Variants in PTPRN2 observed in about 807,000 individuals in gnomAD.
PTPRN2 encodes protein tyrosine phosphatase receptor type N2, also known as receptor-type tyrosine-protein phosphatase N2.
PTPRN2 carries 74 observed loss-of-function variants against 118.8 expected under a neutral mutation model. That is an observed-to-expected ratio of 0.62 (90% CI 0.52 to 0.76). The LOEUF is 0.76. Ranked by LOEUF, PTPRN2 falls within the 30% of genes least tolerant of loss-of-function variation. The pLI is 0.00. For missense variants in PTPRN2, 1,481 were observed against 1,394.4 expected (o/e 1.06, Z -0.99); for synonymous variants, 641 against 608.0 (o/e 1.05, Z -0.80).
chr7:158,511,257 C>G (rs867424139), intron 1 of PTPRN2, among the ~76,000 whole-genome samples: 2 of 152,166 alleles, frequency 1.3e-5, no homozygotes, highest in Non-Finnish European at 2.9e-5. Context: ...GTCAGGATGG[C>G]TACGCAATGC....
In PTPRN2 at chr7:158,081,358, T is replaced by C; in HGVS notation, c.1663A>G (p.Thr555Ala). The change falls in exon 11 of 23, where the codon ACC becomes GCC. Residue 555 changes from threonine (T) to alanine (A), a missense_variant. Coordinates refer to ENST00000389418, the MANE Select transcript of PTPRN2 (RefSeq NM_002847.5). ...ADVEVLGPAV[T>A]FKVSANVQNV... ...TGGACATTGGCGCTCACTTTGAAGG[T>C]CACTGCTGGTCCGAGAACCCTGGAA... The C allele has an allele frequency of 6.2e-7, 1 of 1,614,174 alleles. No individual in the cohort carries two copies. The highest frequency in any genetic ancestry group is 8.5e-7 in the Non-Finnish European group (1 of 1,180,014).
rs560708337 is a variant in PTPRN2, at chr7:157,853,072, G to A, written c.1788+45601C>T. ...TGGTCTCTGGGGCCGTCCTCTCTCC[G>A]CCTCCAGATCAGCAGGCAGTGGATG... On this transcript the variant is annotated intron_variant, in intron 12 of 22. Transcript: ENST00000389418. Among the ~76,000 whole-genome samples, 8 of 152,228 alleles carry A rather than the reference G, an allele frequency of 5.3e-5. No individual in the cohort carries two copies. In the South Asian group the frequency reaches 1.5e-3, roughly 28 times the overall value.
In PTPRN2 at chr7:157,763,461, C is replaced by T. The variant is rs537790614; in HGVS notation, c.1789-80524G>A. Among the ~76,000 whole-genome samples, 271 of 152,198 alleles carry T rather than the reference C, an allele frequency of 1.8e-3. 2 individuals carry two copies. The highest frequency in any genetic ancestry group is 6.3e-3 in the African/African-American group (260 of 41,542). ...GCCCTGAGCCAGGCTGGTGTGGCCT[C>T]GAGTCCCTTCTCCTAGCCCCAAACC... On this transcript the variant is annotated intron_variant, in intron 12 of 22. Transcript: ENST00000389418. The surrounding 1 kb of genome is among the most constrained non-coding windows in gnomAD (Gnocchi z 4.9).
intron 21 of PTPRN2, among the ~76,000 whole-genome samples, chr7:157,564,919 A>G (rs1463792823): frequency 6.6e-6 from 1 of 152,260 alleles, no homozygotes; most frequent in Non-Finnish European, 1.5e-5. Flanking sequence ...CCATTAATAC[A>G]CAAATGAATC....
intron 6 of PTPRN2, among the ~76,000 whole-genome samples, chr7:158,155,673 C>CCATCAT: frequency 7.9e-6 from 1 of 126,710 alleles, no homozygotes. Context: ...ATCACCAGTG[C>CCATCAT]CATCATCACC....
chr7:158,209,270 T>TA (rs906917692), intron 3 of PTPRN2, among the ~76,000 whole-genome samples: 2 of 151,646 alleles, frequency 1.3e-5, no homozygotes, highest in African/African-American at 2.4e-5. Context: ...TTGAATGGAT[T>TA]AAAAAAAAGA....
intron 19 of PTPRN2, 33 bp downstream of exon 19, chr7:157,576,580 C>A: frequency 6.3e-7 from 1 of 1,580,518 alleles, no homozygotes. Flanking sequence ...GCGCTCAGCG[C>A]GCACTGCCCT....
chr7:158,365,478 A>T (rs1057143173), intron 2 of PTPRN2, among the ~76,000 whole-genome samples: 7 of 152,192 alleles, frequency 4.6e-5, no homozygotes, highest in African/African-American at 1.7e-4. Context: ...TATTCAGATC[A>T]ATCAGCTGGA....
At chr7:158,151,754 C>T (rs1210173472) in intron 6 of PTPRN2, among the ~76,000 whole-genome samples, 6 of 152,276 alleles carry the variant, frequency 3.9e-5, no homozygotes, top group South Asian at 4.1e-4. Flanking sequence ...TCCTTCCTGC[C>T]ACAAATATTT....
At chr7:158,133,553 C>T in intron 9 of PTPRN2, 124 bp downstream of exon 9, 3 of 1,354,050 alleles carry the variant, frequency 2.2e-6, no homozygotes, top group Non-Finnish European at 3.0e-6. Context: ...GCCTGCACCC[C>T]ATTATTCAGT....
At chr7:157,777,973 A>G (rs1278595728) in intron 12 of PTPRN2, among the ~76,000 whole-genome samples, 1 of 142,034 alleles carries the variant, frequency 7.0e-6, no homozygotes, top group East Asian at 2.0e-4. Flanking sequence ...TCTTTACACC[A>G]CAGCAAAAAA....
In PTPRN2 at chr7:158,452,400, G is replaced by A. The variant is rs578256135; in HGVS notation, c.163+37335C>T. Among the ~76,000 whole-genome samples the A allele has an allele frequency of 5.5e-4, 84 of 152,272 alleles. 1 individual carries two copies. The South Asian group carries it at 0.016, about 29-fold the overall frequency. On this transcript the variant is annotated intron_variant, in intron 2 of 22. Transcript: ENST00000389418. ...AGAAGCACTGTCTCCCCTGCCCAGC[G>A]GGTCCTCCCCATCTCCCAGTGGAGA...
At chr7:157,652,327 C>T (rs766853432) in intron 14 of PTPRN2, among the ~76,000 whole-genome samples, 2 of 152,216 alleles carry the variant, frequency 1.3e-5, no homozygotes, top group African/African-American at 4.8e-5. Context: ...CTCAGATGCT[C>T]ACCCGGTTTT....
intron 12 of PTPRN2, among the ~76,000 whole-genome samples, chr7:157,815,402 G>A (rs1464553821): frequency 6.6e-6 from 1 of 152,272 alleles, no homozygotes; most frequent in Admixed American, 6.5e-5. Context: ...GGCAGGACTG[G>A]TGTGTGGTGT....
intron 3 of PTPRN2, among the ~76,000 whole-genome samples, chr7:158,312,669 GCCTGCACACATGCATGCACA>G (rs1247434775): frequency 2.1e-5 from 3 of 139,852 alleles, no homozygotes; most frequent in Non-Finnish European, 3.1e-5. Flanking sequence ...ATGTGTGCCT[GCCTGCACACATGCATGCACA>G]CCTGCACACT....
intron 9 of PTPRN2, among the ~76,000 whole-genome samples, chr7:158,120,290 GT>G (rs1817053106): frequency 6.6e-6 from 1 of 152,152 alleles, no homozygotes; most frequent in Non-Finnish European, 1.5e-5. Context: ...TAGCACAAAT[GT>G]TAACGCTACT....
At chr7:157,749,717 GCT>G in intron 12 of PTPRN2, among the ~76,000 whole-genome samples, 1 of 143,222 alleles carries the variant, frequency 7.0e-6, no homozygotes, top group Non-Finnish European at 1.5e-5. Context: ...GTGTCCCTGA[GCT>G]GTGAGCTGCC....
intron 5 of PTPRN2, among the ~76,000 whole-genome samples, chr7:158,182,999 T>C (rs992861359): frequency 2.0e-5 from 3 of 152,350 alleles, no homozygotes; most frequent in East Asian, 1.9e-4. Context: ...AAATTTAGAA[T>C]TGTAATATCT....
rs1798988496 is a variant in PTPRN2, at chr7:157,717,586, A to G, written c.1789-34649T>C. On this transcript the variant is annotated intron_variant, in intron 12 of 22. Coordinates refer to ENST00000389418, the MANE Select transcript of PTPRN2 (RefSeq NM_002847.5). Reference sequence around the variant, plus strand: ...AGCTCGGAGGTCTATGGACTCCTTCATGGAAATCGCTCCCTTGCGTCTCCT... The same window carrying G: ...AGCTCGGAGGTCTATGGACTCCTTCGTGGAAATCGCTCCCTTGCGTCTCCT... Among the ~76,000 whole-genome samples, 3 of 152,246 alleles carry G rather than the reference A, an allele frequency of 2.0e-5. No individual in the cohort carries two copies. In the South Asian group the frequency reaches 6.2e-4, roughly 32 times the overall value.
Sources: gnomAD v4.1 joint callset for allele counts (sites outside exome capture counted in the v4.1 genomes callset) on GRCh38, gnomAD v4.1.1 for gene constraint, Gnocchi (gnomAD v3.1) non-coding constraint, MANE v1.5 for transcripts, NCBI Gene and HGNC (gene_info 2026-07-23, HGNC 2026-07-21) for gene names.